Variants in OPHN1 observed in about 807,000 individuals in gnomAD.
The protein encoded by OPHN1 is oligophrenin 1.
OPHN1 carries 11 observed loss-of-function variants against 60.7 expected under a neutral mutation model. That is an observed-to-expected ratio of 0.18 (90% CI 0.11 to 0.30). The LOEUF (loss-of-function observed/expected upper bound fraction) is 0.30, where lower values mean the gene tolerates loss of function less well. OPHN1 is among the 10% of genes least tolerant of loss of function. OPHN1 has a pLI of 1.00. For missense variants in OPHN1, 449 were observed against 611.0 expected, an observed-to-expected ratio of 0.73 and a Z score of 2.80; for synonymous variants, 226 against 222.6, an observed-to-expected ratio of 1.02 and a Z score of -0.14.
intron 2 of OPHN1, among the ~76,000 whole-genome samples, chrX:68,416,032 TAATA>T (rs1315322947): frequency 7.2e-5 from 2 of 27,730 alleles, no homozygotes; most frequent in Admixed American, 5.4e-4. Flanking sequence ...AAAAATTATA[TAATA>T]TATATATATA....
At chrX:68,227,820 A>T (rs2077703843) in intron 6 of OPHN1, among the ~76,000 whole-genome samples, 1 of 111,369 alleles carries the variant, frequency 9.0e-6, no homozygotes, top group South Asian at 3.9e-4. Flanking sequence ...TCTAAAATTG[A>T]CACCCTAACA....
chrX:68,341,880 T>C (rs2078353795), intron 2 of OPHN1, among the ~76,000 whole-genome samples: 1 of 110,570 alleles, frequency 9.0e-6, no homozygotes, highest in Non-Finnish European at 1.9e-5. Flanking sequence ...TGGCACAATG[T>C]ATGAACTCTG....
chrX:68,107,221 G>A (rs937532934), intron 18 of OPHN1, among the ~76,000 whole-genome samples: 5 of 111,229 alleles, frequency 4.5e-5, no homozygotes, highest in South Asian at 3.8e-4. Context: ...TTATAGCTGC[G>A]TTTTTCAAAT....
At chrX:68,082,825 T>G (rs751693497) in intron 19 of OPHN1, among the ~76,000 whole-genome samples, 46 of 111,788 alleles carry the variant, frequency 4.1e-4, no homozygotes, top group African/African-American at 1.5e-3. Flanking sequence ...AGGCATTGAC[T>G]TCTTTGCAGC....
At chrX:68,081,059 A>T (rs1234199349) in intron 19 of OPHN1, among the ~76,000 whole-genome samples, 1 of 111,694 alleles carries the variant, frequency 9.0e-6, no homozygotes, top group Non-Finnish European at 1.9e-5. Flanking sequence ...CTGACAGCAG[A>T]GATTTTTTTT....
At chrX:68,167,345 A>T (rs968854464) in intron 15 of OPHN1, among the ~76,000 whole-genome samples, 7 of 111,866 alleles carry the variant, frequency 6.3e-5, no homozygotes, top group Non-Finnish European at 1.3e-4. Flanking sequence ...ACAGGAAGTA[A>T]CAAATGCTGG....
intron 15 of OPHN1, among the ~76,000 whole-genome samples, chrX:68,135,821 G>A (rs764359946): frequency 8.9e-6 from 1 of 111,969 alleles, no homozygotes; most frequent in African/African-American, 3.2e-5. Context: ...AACTGAAATG[G>A]AGAAGCTTAT....
intron 5 of OPHN1, among the ~76,000 whole-genome samples, chrX:68,257,323 T>C (rs1277715303): frequency 3.5e-5 from 4 of 112,884 alleles, no homozygotes; most frequent in African/African-American, 9.7e-5. Context: ...TTCTGGCATA[T>C]GGCTGAAGCC....
chrX:68,391,794 C>G (rs1010483804), intron 2 of OPHN1, among the ~76,000 whole-genome samples: 3 of 111,186 alleles, frequency 2.7e-5, no homozygotes, highest in Admixed American at 1.9e-4. Context: ...GAGATTGGAG[C>G]AATGTGCTTT....
intron 15 of OPHN1, among the ~76,000 whole-genome samples, chrX:68,140,313 T>A (rs772091171): frequency 8.9e-6 from 1 of 111,909 alleles, no homozygotes; most frequent in African/African-American, 3.3e-5. Flanking sequence ...TGGCCTATGA[T>A]TGGGCCATTT....
At chrX:68,166,947 A>G (rs1602205207) in intron 15 of OPHN1, among the ~76,000 whole-genome samples, 1 of 112,389 alleles carries the variant, frequency 8.9e-6, no homozygotes, top group East Asian at 2.8e-4. Context: ...AACATTGGGG[A>G]CATTCTCCAG....
At chrX:68,096,286 A>G (rs2077037945) in intron 19 of OPHN1, among the ~76,000 whole-genome samples, 2 of 112,001 alleles carry the variant, frequency 1.8e-5, no homozygotes, top group Admixed American at 1.9e-4. Context: ...TTACCATTAG[A>G]TCATATCCTT....
chrX:68,163,164 G>A (rs1488863962), intron 15 of OPHN1, among the ~76,000 whole-genome samples: 1 of 111,126 alleles, frequency 9.0e-6, no homozygotes, highest in Non-Finnish European at 1.9e-5. Flanking sequence ...AAAGGTTGTA[G>A]TTCCAAACTG....
chrX:68,393,076 C>G lies in OPHN1; in HGVS notation c.154+39791G>C, dbSNP rs758826503. ...TGGATGGCAGGGCTAAAAGGGCACACTGTAACACATGCCCACTTGGGCTCC... is the reference window on the plus strand; with the variant it reads ...TGGATGGCAGGGCTAAAAGGGCACAGTGTAACACATGCCCACTTGGGCTCC... On this transcript the variant is annotated intron_variant, in intron 2 of 24. Transcript: ENST00000355520. 1.3e-3 allele frequency among the ~76,000 whole-genome samples: 147 copies of G among 111,739 alleles called. 1 individual carries two copies. The highest frequency in any genetic ancestry group is 4.5e-3 in the African/African-American group (139 of 30,852).
intron 15 of OPHN1, among the ~76,000 whole-genome samples, chrX:68,122,882 G>A (rs1160426330): frequency 9.0e-6 from 1 of 111,228 alleles, no homozygotes; most frequent in Non-Finnish European, 1.9e-5. Flanking sequence ...ATATATAAGA[G>A]TTACTGGCCT....
At chrX:68,230,494 G>C (rs1416898624) in intron 6 of OPHN1, among the ~76,000 whole-genome samples, 4 of 110,111 alleles carry the variant, frequency 3.6e-5, no homozygotes, top group Non-Finnish European at 7.6e-5. Context: ...ATTCACAATA[G>C]CAGAGATTTG....
chrX:68,287,839 T>G (rs1221320932), intron 3 of OPHN1, among the ~76,000 whole-genome samples: 1 of 112,137 alleles, frequency 8.9e-6, no homozygotes, highest in Non-Finnish European at 1.9e-5. Context: ...AAAAGTTGAT[T>G]TTGGAAATTT....
intron 5 of OPHN1, among the ~76,000 whole-genome samples, chrX:68,256,576 A>T (rs953371245): frequency 2.7e-5 from 3 of 111,475 alleles, no homozygotes; most frequent in Non-Finnish European, 3.8e-5. Flanking sequence ...CAGTTACTGA[A>T]TTTTTTACAA....
intron 2 of OPHN1, among the ~76,000 whole-genome samples, chrX:68,392,652 C>T (rs1360193522): frequency 9.1e-6 from 1 of 109,547 alleles, no homozygotes; most frequent in Non-Finnish European, 1.9e-5. Flanking sequence ...CTATCCTGTA[C>T]CCATATAAAC....
Sources: gnomAD v4.1 joint callset for allele counts (sites outside exome capture counted in the v4.1 genomes callset) on GRCh38, gnomAD v4.1.1 for gene constraint, MANE v1.5 for transcripts, NCBI Gene and HGNC (gene_info 2026-07-23, HGNC 2026-07-21) for gene names.